TLE2: variants seen among roughly 807,000 people sequenced by gnomAD.
The protein encoded by TLE2 is transducin-like enhancer protein 2.
In TLE2, 74 loss-of-function variants were observed where a neutral mutation model predicts 97.2. The ratio of observed to expected loss-of-function variants is 0.76; its 90% CI spans 0.63 to 0.92. The LOEUF is 0.92. Ranked by LOEUF, TLE2 falls within the 40% of genes least tolerant of loss-of-function variation. TLE2 has a pLI of 0.00. For missense variants in TLE2, 1,038 were observed against 1,008.7 expected (o/e 1.03, Z -0.39); for synonymous variants, 499 against 432.1 (o/e 1.15, Z -1.92).
rs2089452791 is a variant in TLE2 at position 3,005,454 on chromosome 19, G to A, written c.1879C>T (p.His627Tyr). The change falls in exon 17 of 20, where the codon CAT becomes TAT. Residue 627 changes from histidine (H) to tyrosine (Y), a missense_variant. By Grantham distance (83) the His-to-Tyr change is moderately conservative. Coordinates refer to ENST00000262953, the MANE Select transcript of TLE2 (RefSeq NM_003260.5). ...AACAGCACCTGGGAGCTGAAGTCAT[G>A]CTGCTGCAGCTGGCGGCCCTCCCGC... The part of the protein sequence containing the change: ...DLREGRQLQQ[H>Y]DFSSQIFSLG... 6.2e-7 allele frequency: 1 copy of A among 1,613,838 alleles called. No homozygotes were observed. Among genetic ancestry groups the A allele is most frequent in the Non-Finnish European group, 8.5e-7 (1 of 1,179,854 alleles).
intron 5 of TLE2, among the ~76,000 whole-genome samples, chr19:3,022,928 G>A (rs1043741344): frequency 4.6e-5 from 7 of 152,268 alleles, no homozygotes; most frequent in Non-Finnish European, 7.4e-5. Context: ...ATGAGTGGGC[G>A]TGGCTATGTC....
intron 1 of TLE2, among the ~76,000 whole-genome samples, chr19:3,041,689 G>A (rs902349466): frequency 2.0e-5 from 3 of 152,244 alleles, no homozygotes; most frequent in Admixed American, 2.0e-4. Flanking sequence ...TGAGCTCCAC[G>A]AGGGTCGAGA....
intron 5 of TLE2, among the ~76,000 whole-genome samples, chr19:3,022,964 G>T (rs377706820): frequency 6.6e-6 from 1 of 152,132 alleles, no homozygotes; most frequent in African/African-American, 2.4e-5. Context: ...GCAAAAACAA[G>T]TGGAGGGGTG....
intron 4 of TLE2, 174 bp from the exon 5 acceptor site, chr19:3,025,256 C>T: frequency 9.1e-7 from 1 of 1,103,668 alleles, no homozygotes; most frequent in Non-Finnish European, 1.2e-6. Context: ...ATTCAGAGCC[C>T]CACCAGGCTG....
intron 3 of TLE2, 135 bp downstream of exon 3, chr19:3,028,184 C>G: frequency 2.0e-6 from 2 of 988,088 alleles, no homozygotes; most frequent in South Asian, 2.8e-5. Context: ...CCTAGAGAGC[C>G]TGAAATCCCA....
chr19:3,002,268 T>C, intron 18 of TLE2, 85 bp downstream of exon 18: 4 of 1,462,462 alleles, frequency 2.7e-6, no homozygotes, highest in Non-Finnish European at 2.7e-6. Context: ...ACATTATTTG[T>C]TATTTATCTA....
At chr19:3,031,668 T>G (rs1007571017), upstream of TLE2, among the ~76,000 whole-genome samples, 1 of 152,068 alleles carries the variant, frequency 6.6e-6, no homozygotes, top group African/African-American at 2.4e-5. Flanking sequence ...ATTTTCGCCC[T>G]CACTCACTCT....
chr19:3,016,817 C>T (rs945329885), intron 8 of TLE2, among the ~76,000 whole-genome samples: 10 of 151,980 alleles, frequency 6.6e-5, no homozygotes, highest in South Asian at 2.1e-4. Context: ...CTCGCTCTGT[C>T]GCCCAAGCTG....
chr19:3,019,789 G>A lies in TLE2; in HGVS notation c.295-16C>T. The A allele has an allele frequency of 1.2e-6, 2 of 1,608,822 alleles. No homozygotes were observed. The stretch of plus-strand genomic sequence containing the variant: ...GCTGCTGATGCTGGCGGGTGGAAGG[G>A]ATCAGGTAGAGGGTACATTGAGCCC... On this transcript the variant is annotated splice_polypyrimidine_tract_variant and intron_variant, in intron 5 of 19. Coordinates refer to ENST00000262953, the MANE Select transcript of TLE2 (RefSeq NM_003260.5). The surrounding 1 kb of genome is among the most constrained non-coding windows in gnomAD (Gnocchi z 5.1).
chr19:3,001,844 CTGGAATGCAGTGGCA>C (rs2089370530), intron 18 of TLE2, among the ~76,000 whole-genome samples: 1 of 136,860 alleles, frequency 7.3e-6, no homozygotes, highest in Non-Finnish European at 1.5e-5. Flanking sequence ...GTCTCCCAGG[CTGGAATGCAGTGGCA>C]TGATCTTGGC....
At chr19:3,008,575 C>T (rs1015644506) in intron 14 of TLE2, among the ~76,000 whole-genome samples, 2 of 152,066 alleles carry the variant, frequency 1.3e-5, no homozygotes, top group African/African-American at 2.4e-5. Flanking sequence ...CTCAGCCTCC[C>T]GAGTAGCTGG....
Position 3,018,597 on chromosome 19 carries a change from A to C in TLE2, c.550+686T>G, listed in dbSNP as rs182459485. ...CGTGAACCACCGTGCCTGGCTATCTATTTTTATTTATTTATTTATTTATTT... is the reference window on the plus strand; with the variant it reads ...CGTGAACCACCGTGCCTGGCTATCTCTTTTTATTTATTTATTTATTTATTT... On this transcript the variant is annotated intron_variant, in intron 7 of 19. Transcript: ENST00000262953. 2.0e-4 allele frequency among the ~76,000 whole-genome samples: 28 copies of C among 143,424 alleles called. No homozygotes were observed. The East Asian group carries it at 2.6e-3, about 13-fold the overall frequency. The allele number at this position is 143,424 out of a possible 152,430, so 94.1% of individuals were successfully genotyped here.
At chr19:3,030,266 T>C (rs1334803954), upstream of TLE2, among the ~76,000 whole-genome samples, 2 of 152,150 alleles carry the variant, frequency 1.3e-5, no homozygotes, top group Non-Finnish European at 2.9e-5. Flanking sequence ...CACTCAGAAC[T>C]GGAAGAACCA....
intron 17 of TLE2, 76 bp from the exon 18 acceptor site, chr19:3,002,579 C>A (rs781508207): frequency 6.6e-7 from 1 of 1,510,754 alleles, no homozygotes; most frequent in Non-Finnish European, 8.8e-7. Flanking sequence ...CACTCCGTCA[C>A]CCAGGCTGGA....
chr19:3,029,353 C>G (rs1430646870), upstream of TLE2, among the ~76,000 whole-genome samples: 1 of 144,000 alleles, frequency 6.9e-6, no homozygotes, highest in Admixed American at 6.9e-5. Flanking sequence ...CCCGCGCCCA[C>G]CCCCGCGCAC....
chr19:3,024,731 G>A (rs1302587002), intron 5 of TLE2, among the ~76,000 whole-genome samples: 1 of 152,208 alleles, frequency 6.6e-6, no homozygotes, highest in Non-Finnish European at 1.5e-5. Flanking sequence ...GACCCAGGCA[G>A]CCAACTTGCA....
chr19:3,037,556 G>A (rs930825472), intron 1 of TLE2, among the ~76,000 whole-genome samples: 8 of 152,170 alleles, frequency 5.3e-5, no homozygotes, highest in African/African-American at 1.9e-4. Flanking sequence ...GGGTTAGAAG[G>A]CCCCTGTGCC....
intron 4 of TLE2, among the ~76,000 whole-genome samples, chr19:3,026,454 T>TAAA (rs1568249444): frequency 8.1e-4 from 85 of 104,572 alleles, no homozygotes; most frequent in African/African-American, 3.4e-3. Context: ...GTCTCAAAAT[T>TAAA]TAAAAAAAAA....
chr19:3,035,534 GA>G (rs990543755), intron 1 of TLE2, among the ~76,000 whole-genome samples: 2,382 of 143,772 alleles, frequency 0.017, 31 homozygotes, highest in African/African-American at 0.041. Flanking sequence ...TGGGTTTACG[GA>G]AAAAAAAAAA....
Sources: gnomAD v4.1 joint callset for allele counts (sites outside exome capture counted in the v4.1 genomes callset) on GRCh38, gnomAD v4.1.1 for gene constraint, Gnocchi (gnomAD v3.1) non-coding constraint, MANE v1.5 for transcripts, NCBI Gene and HGNC (gene_info 2026-07-23, HGNC 2026-07-21) for gene names.